CEP128: variants seen among roughly 807,000 people sequenced by gnomAD.
CEP128 encodes centrosomal protein 128kDa.
A neutral mutation model predicts 156.7 loss-of-function variants in CEP128; 132 were observed. The observed-to-expected ratio is 0.84, with a 90% CI of 0.73 to 0.97. CEP128 has a LOEUF of 0.97. Among genes scored for constraint, CEP128 ranks in the 50% least tolerant of loss-of-function variants. The probability of loss-of-function intolerance (pLI) is 0.00; values close to 1 mark genes in which losing one functional copy is unlikely to be tolerated. For synonymous variants in CEP128, 469 were observed against 448.9 expected (o/e 1.04, Z -0.57); for missense variants, 1,252 against 1,281.9 (o/e 0.98, Z 0.36).
chr14:80,755,254 C>A (rs1013210382), intron 18 of CEP128, among the ~76,000 whole-genome samples: 6 of 152,180 alleles, frequency 3.9e-5, no homozygotes, highest in African/African-American at 1.4e-4. Context: ...GCTCTCCTTG[C>A]TCCTCAGCCT....
At chr14:80,640,744 C>T (rs1894371160) in intron 19 of CEP128, among the ~76,000 whole-genome samples, 1 of 152,068 alleles carries the variant, frequency 6.6e-6, no homozygotes, top group Non-Finnish European at 1.5e-5. Flanking sequence ...AAAAGAACTC[C>T]CAAATTGGCC....
intron 13 of CEP128, chr14:80,822,711 G>C: frequency 1.2e-6 from 1 of 848,628 alleles, no homozygotes. Context: ...GCTGATGCTG[G>C]CAAGGAGGGG....
At chr14:80,679,956 C>A (rs190675047) in intron 19 of CEP128, among the ~76,000 whole-genome samples, 3 of 152,162 alleles carry the variant, frequency 2.0e-5, no homozygotes, top group Non-Finnish European at 2.9e-5. Flanking sequence ...ATAGAAAGAA[C>A]CTACGTTGAA....
intron 19 of CEP128, among the ~76,000 whole-genome samples, chr14:80,697,871 G>C (rs1011209240): frequency 4.6e-5 from 7 of 151,712 alleles, no homozygotes; most frequent in Admixed American, 1.3e-4. Context: ...ATGGCACTGA[G>C]CATAAATATA....
rs138953286 is a variant in CEP128, at chr14:80,711,295, T to TTGTGTGTGTGTGTG, written c.2806+31766_2806+31779dup. The stretch of plus-strand genomic sequence containing the variant: ...CTAAAGACTGACATATAAGACTATG[T>TTGTGTGTGTGTGTG]TGTGTGTGTGTGTGTGTGTGTGTGT... On this transcript the variant is annotated intron_variant, in intron 19 of 24. Coordinates refer to ENST00000555265, the MANE Select transcript of CEP128 (RefSeq NM_152446.5). Among the ~76,000 whole-genome samples, 705 of 145,840 alleles carry TTGTGTGTGTGTGTG rather than the reference T, an allele frequency of 4.8e-3. 2 individuals carry two copies. Among genetic ancestry groups the TTGTGTGTGTGTGTG allele is most frequent in the African/African-American group, 6.9e-3 (270 of 39,138 alleles).
rs1889388069 is a variant in CEP128 at position 80,897,278 on chromosome 14, T to C, written c.573-1488A>G. 2.0e-5 allele frequency among the ~76,000 whole-genome samples: 3 copies of C among 152,094 alleles called. No individual in the cohort carries two copies. In the South Asian group the frequency reaches 6.2e-4, roughly 32 times the overall value. ...TTCCATCTCAGCTCAGCTCCTTCTA[T>C]CATAAGATTCCTAAATATTATAACT... On this transcript the variant is annotated intron_variant, in intron 7 of 24. Coordinates refer to ENST00000555265, the MANE Select transcript of CEP128 (RefSeq NM_152446.5).
intron 13 of CEP128, among the ~76,000 whole-genome samples, chr14:80,825,160 C>A (rs752202273): frequency 5.3e-5 from 8 of 152,144 alleles, no homozygotes; most frequent in Non-Finnish European, 1.2e-4. Flanking sequence ...TACCTCCAAC[C>A]GGGTCCCTCC....
intron 19 of CEP128, among the ~76,000 whole-genome samples, chr14:80,590,203 C>A (rs879656883): frequency 6.6e-6 from 1 of 152,120 alleles, no homozygotes; most frequent in East Asian, 1.9e-4. Context: ...TGTGTTTACA[C>A]ACCTGAAAAT....
At chr14:80,920,837 T>C (rs1884820460) in intron 2 of CEP128, among the ~76,000 whole-genome samples, 1 of 152,272 alleles carries the variant, frequency 6.6e-6, no homozygotes, top group African/African-American at 2.4e-5. Flanking sequence ...TGGGAACATG[T>C]AAATTTGAAT....
intron 9 of CEP128, among the ~76,000 whole-genome samples, chr14:80,842,082 T>C (rs1190103115): frequency 2.0e-5 from 3 of 152,064 alleles, no homozygotes; most frequent in Non-Finnish European, 2.9e-5. Flanking sequence ...ACTTTCCCCT[T>C]AGAACATCTG....
At chr14:80,916,270 A>G (rs1722908483) in intron 3 of CEP128, 131 bp downstream of exon 3, 1 of 731,658 alleles carries the variant, frequency 1.4e-6, no homozygotes, top group African/African-American at 1.8e-5. Context: ...AAGATAATAA[A>G]TTTGTGTTGT....
intron 15 of CEP128, among the ~76,000 whole-genome samples, chr14:80,782,797 C>CT: frequency 6.6e-6 from 1 of 152,240 alleles, no homozygotes; most frequent in Non-Finnish European, 1.5e-5. Flanking sequence ...TTCAGCTTGC[C>CT]TGTCACATTT....
chr14:80,822,233 G>A (rs1028044228), intron 13 of CEP128, among the ~76,000 whole-genome samples: 1 of 152,082 alleles, frequency 6.6e-6, no homozygotes, highest in Non-Finnish European at 1.5e-5. Flanking sequence ...TTTCATCTGA[G>A]ACAAGGCAAG....
intron 14 of CEP128, among the ~76,000 whole-genome samples, chr14:80,786,067 G>A (rs566043088): frequency 5.9e-5 from 9 of 152,172 alleles, no homozygotes; most frequent in South Asian, 2.1e-4. Context: ...CAATGGTGAC[G>A]AAAACTCACC....
chr14:80,879,577 A>C lies in CEP128; in HGVS notation c.645+16141T>G, dbSNP rs1331421389. On this transcript the variant is annotated intron_variant, in intron 8 of 24. Coordinates refer to ENST00000555265, the MANE Select transcript of CEP128 (RefSeq NM_152446.5). ...GACAAGAATAAAATTGAGAGCTGCAACAGCAGACTAGATCAAACAGAAGAG... is the reference window on the plus strand; with the variant it reads ...GACAAGAATAAAATTGAGAGCTGCACCAGCAGACTAGATCAAACAGAAGAG... 2.0e-5 allele frequency among the ~76,000 whole-genome samples: 3 copies of C among 152,154 alleles called. No homozygotes were observed. The East Asian group carries it at 5.8e-4, about 29-fold the overall frequency.
At chr14:80,638,001 T>G (rs745692144) in intron 19 of CEP128, among the ~76,000 whole-genome samples, 6 of 152,332 alleles carry the variant, frequency 3.9e-5, no homozygotes, top group Admixed American at 3.9e-4. Flanking sequence ...TCAGCAAAAC[T>G]GACTTCAGAC....
intron 21 of CEP128, among the ~76,000 whole-genome samples, chr14:80,538,021 C>A (rs967802608): frequency 2.6e-5 from 4 of 152,254 alleles, no homozygotes; most frequent in African/African-American, 9.6e-5. Context: ...TTATTCTACG[C>A]CCACAGAACA....
chr14:80,785,018 C>T lies in CEP128; in HGVS notation c.2088G>A (p.Glu696=), dbSNP rs1901323350. 4 of 1,614,028 alleles carry T rather than the reference C, an allele frequency of 2.5e-6. No individual in the cohort carries two copies. Among genetic ancestry groups the T allele is most frequent in the Non-Finnish European group, 3.4e-6 (4 of 1,180,008 alleles). ...LKLERDVHQR[E]LKDLTSSLQS... is the part of the protein sequence containing the mutation. The stretch of plus-strand genomic sequence containing the variant: ...GCAATGATGATGTGAGATCTTTCAG[C>T]TCCCTCTGGTGCACATCTCGTTCCA... Residue 696 remains glutamate, a synonymous_variant, in exon 15 of 25, where the codon GAG becomes GAA. Transcript: ENST00000555265.
chr14:80,853,669 A>G (rs1236669672), intron 9 of CEP128, among the ~76,000 whole-genome samples: 1 of 152,054 alleles, frequency 6.6e-6, no homozygotes, highest in Non-Finnish European at 1.5e-5. Context: ...GTCTGTACTT[A>G]ATACAATCGC....
Sources: gnomAD v4.1 joint callset for allele counts (sites outside exome capture counted in the v4.1 genomes callset) on GRCh38, gnomAD v4.1.1 for gene constraint, MANE v1.5 for transcripts, NCBI Gene and HGNC (gene_info 2026-07-23, HGNC 2026-07-21) for gene names.